PCSK5: variants seen among roughly 807,000 people sequenced by gnomAD.
PCSK5 encodes the protein prohormone convertase 5.
A neutral mutation model predicts 233.2 loss-of-function variants in PCSK5; 129 were observed. The observed-to-expected ratio is 0.55, with a 90% CI of 0.48 to 0.64. The LOEUF (loss-of-function observed/expected upper bound fraction) is 0.64, where lower values mean the gene tolerates loss of function less well. Among genes scored for constraint, PCSK5 ranks in the 30% least tolerant of loss-of-function variants. The pLI is 0.00. For synonymous variants in PCSK5, 825 were observed against 879.2 expected (o/e 0.94, Z 1.09); for missense variants, 2,076 against 2,430.1 (o/e 0.85, Z 3.06).
chr9:75,908,937 C>CTCTGTCTG (rs1554704542), intron 1 of PCSK5, among the ~76,000 whole-genome samples: 34 of 89,590 alleles, frequency 3.8e-4, no homozygotes, highest in African/African-American at 9.3e-4. Context: ...CTATCTCTCT[C>CTCTGTCTG]TCTGTCTATC....
chr9:76,029,251 A>G (rs1247146871), intron 5 of PCSK5, among the ~76,000 whole-genome samples: 2 of 152,182 alleles, frequency 1.3e-5, no homozygotes, highest in African/African-American at 4.8e-5. Context: ...GTGTACTATA[A>G]GGTAAATAAT....
chr9:75,983,192 A>T (rs1252165605), intron 2 of PCSK5, among the ~76,000 whole-genome samples: 1 of 152,174 alleles, frequency 6.6e-6, no homozygotes, highest in Non-Finnish European at 1.5e-5. Flanking sequence ...TAAAGGGCTG[A>T]TTCCCTATCA....
intron 37 of PCSK5, among the ~76,000 whole-genome samples, chr9:76,355,067 T>A (rs1304732919): frequency 6.6e-6 from 1 of 152,140 alleles, no homozygotes; most frequent in Non-Finnish European, 1.5e-5. Flanking sequence ...AAAACCCCCT[T>A]TACCAATTTC....
At position 76,250,313 on chromosome 9, in the gene PCSK5, A is replaced by G. The variant is rs1178125123; in HGVS notation, c.3142+9629A>G. On this transcript the variant is annotated intron_variant, in intron 24 of 37. Transcript: ENST00000674117. ...GAGACTCTGTCTCAAAATAAGAAAG[A>G]AAGTGGAGCATCACTCCCTACTACT... Among the ~76,000 whole-genome samples the G allele has an allele frequency of 2.6e-5, 4 of 152,158 alleles. No individual in the cohort carries two copies. In the South Asian group the frequency reaches 8.3e-4, roughly 32 times the overall value.
chr9:76,151,775 C>T (rs949092921), intron 10 of PCSK5, among the ~76,000 whole-genome samples: 1 of 152,126 alleles, frequency 6.6e-6, no homozygotes, highest in African/African-American at 2.4e-5. Context: ...TTTGGATGTC[C>T]TTTTATACTT....
chr9:76,023,898 G>A lies in PCSK5; in HGVS notation c.555+17G>A, dbSNP rs1016222241. On this transcript the variant is annotated intron_variant, in intron 4 of 37. Transcript: ENST00000674117. ...CAAAACTACGTGAGTGTATGCTGTG[G>A]TTAGAAGGTCTTTCCTTCTGGGAAA... 6 of 1,582,600 alleles carry A rather than the reference G, an allele frequency of 3.8e-6. No individual in the cohort carries two copies. The African/African-American group carries it at 5.4e-5, about 14-fold the overall frequency.
chr9:76,168,556 A>G (rs942792917), intron 12 of PCSK5, among the ~76,000 whole-genome samples: 2 of 152,194 alleles, frequency 1.3e-5, no homozygotes, highest in Non-Finnish European at 2.9e-5. Flanking sequence ...ATTCCATTGC[A>G]GGAAACAGAA....
At chr9:76,198,374 A>ACAT (rs1824781262) in intron 20 of PCSK5, among the ~76,000 whole-genome samples, 1 of 152,198 alleles carries the variant, frequency 6.6e-6, no homozygotes, top group Non-Finnish European at 1.5e-5. Flanking sequence ...AGAAAACAGT[A>ACAT]CATTATTTTA....
At chr9:76,010,730 T>C (rs1034579064) in intron 3 of PCSK5, among the ~76,000 whole-genome samples, 2 of 152,194 alleles carry the variant, frequency 1.3e-5, no homozygotes, top group Admixed American at 6.5e-5. Context: ...TAGTTACCCA[T>C]GAAGAGCTTA....
intron 1 of PCSK5, among the ~76,000 whole-genome samples, chr9:75,902,214 T>TCAAAAAAA (rs1554703242): frequency 1.9e-5 from 1 of 53,290 alleles, no homozygotes; most frequent in Admixed American, 2.2e-4. Context: ...AGACACCATC[T>TCAAAAAAA]AAAAAAAAAA....
Position 76,355,811 on chromosome 9 carries a change from C to A in PCSK5, c.5254+1592C>A, listed in dbSNP as rs149442470. ...CTCTGTCTCCTGGGTTCAAGCTATT[C>A]TTCTACCTCAGCCTCCAGAGTAGCT... On this transcript the variant is annotated intron_variant, in intron 37 of 37. Transcript: ENST00000674117. Among the ~76,000 whole-genome samples, 403 of 152,074 alleles carry A rather than the reference C, an allele frequency of 2.7e-3. 3 individuals are homozygous for A. The highest frequency in any genetic ancestry group is 9.4e-3 in the African/African-American group (390 of 41,502).
intron 2 of PCSK5, among the ~76,000 whole-genome samples, chr9:75,946,599 CT>C (rs1563929962): frequency 6.6e-6 from 1 of 151,958 alleles, no homozygotes; most frequent in South Asian, 2.1e-4. Flanking sequence ...TACAATATTT[CT>C]TTTTTTGAGA....
At chr9:76,200,109 C>T (rs1317782681) in intron 20 of PCSK5, among the ~76,000 whole-genome samples, 3 of 151,870 alleles carry the variant, frequency 2.0e-5, no homozygotes. Context: ...CTCCTATTTT[C>T]TCTCCTTTCC....
chr9:75,930,990 G>A (rs996314543), intron 1 of PCSK5, among the ~76,000 whole-genome samples: 5 of 152,124 alleles, frequency 3.3e-5, no homozygotes, highest in African/African-American at 1.2e-4. Context: ...AGGCTTCCCC[G>A]CCTGCATTCC....
Position 76,233,570 on chromosome 9 carries a change from C to T in PCSK5, c.2840C>T (p.Pro947Leu). ...TGCCAGAGATGCCAAGGAAGTGGCC[C>T]TACCCACTGCACCTCCTGTGGAGCA... ...HTCQRCQGSG[P>L]THCTSCGADN... The change falls in exon 22 of 38, where the codon CCT becomes CTT. Residue 947 changes from proline to leucine, a missense_variant. By Grantham distance (98) the Pro-to-Leu change is moderately conservative. Around this residue, in one of 6 missense-constraint regions of PCSK5, gnomAD observed 1,510 missense variants for 1,538.1 expected, o/e 0.98. Coordinates refer to ENST00000674117, the MANE Select transcript of PCSK5 (RefSeq NM_001372043.1). 3.1e-6 allele frequency: 5 copies of T among 1,611,310 alleles called. No individual in the cohort carries two copies. The highest frequency in any genetic ancestry group is 2.2e-5 in the East Asian group (1 of 44,884).
At chr9:76,116,440 A>G (rs1055712966) in intron 9 of PCSK5, among the ~76,000 whole-genome samples, 1 of 152,136 alleles carries the variant, frequency 6.6e-6, no homozygotes, top group African/African-American at 2.4e-5. Flanking sequence ...AGAAAACGCA[A>G]TAAGTCTGTG....
intron 9 of PCSK5, among the ~76,000 whole-genome samples, chr9:76,126,207 A>AT (rs1401465583): frequency 9.3e-6 from 1 of 107,044 alleles, no homozygotes; most frequent in Non-Finnish European, 2.1e-5. Context: ...GTGTGGTGTA[A>AT]TTTTTAAAGT....
chr9:76,340,393 C>A (rs1180105468), intron 35 of PCSK5, among the ~76,000 whole-genome samples: 1 of 152,112 alleles, frequency 6.6e-6, no homozygotes, highest in African/African-American at 2.4e-5. Context: ...CACCTGTAAT[C>A]CCAGCACTTT....
At chr9:76,117,278 C>A (rs537957517) in intron 9 of PCSK5, among the ~76,000 whole-genome samples, 7 of 152,090 alleles carry the variant, frequency 4.6e-5, no homozygotes, top group Non-Finnish European at 7.4e-5. Context: ...TTGAACTTGG[C>A]TCCAATAGAG....
Sources: gnomAD v4.1 joint callset for allele counts (sites outside exome capture counted in the v4.1 genomes callset) on GRCh38, gnomAD v4.1.1 for gene constraint, gnomAD v4.1.1 regional missense constraint, MANE v1.5 for transcripts, NCBI Gene and HGNC (gene_info 2026-07-23, HGNC 2026-07-21) for gene names.